MORN5: variants seen among roughly 807,000 people sequenced by gnomAD.
MORN5 encodes MORN repeat-containing protein 5.
A neutral mutation model predicts 22.1 loss-of-function variants in MORN5; 21 were observed. The ratio of observed to expected loss-of-function variants is 0.95; its 90% confidence interval spans 0.67 to 1.37. The LOEUF is 1.37. MORN5 is among the 40% of genes most tolerant of loss of function. The pLI, the probability that MORN5 is intolerant of heterozygous loss-of-function variation, is 0.00. For missense variants in MORN5, 211 were observed against 215.1 expected (o/e 0.98, Z 0.12); for synonymous variants, 73 against 74.0 (o/e 0.99, Z 0.07).
chr9:122,190,357 C>T (rs915662061), intron 4 of MORN5, among the ~76,000 whole-genome samples: 9 of 150,792 alleles, frequency 6.0e-5, no homozygotes, highest in South Asian at 2.1e-4. Context: ...TGCTTTACTA[C>T]GAGTCTTTAA....
rs1272985490 is a variant in MORN5 at position 122,166,916 on chromosome 9, G to T, written c.195+1G>T. On this transcript the variant is annotated splice_donor_variant, in intron 2 of 4. Transcript: ENST00000373764. LOFTEE classifies it high-confidence loss of function. ...TTGGGAAAACGGATTGGCCATAAAG[G>T]TGATCAGCTGGGGGGACGGATGCTG... The T allele has an allele frequency of 6.2e-7, 1 of 1,613,028 alleles. No individual in the cohort carries two copies. The highest frequency in any genetic ancestry group is 2.2e-5 in the East Asian group (1 of 44,844).
intron 1 of MORN5, among the ~76,000 whole-genome samples, chr9:122,161,232 C>T (rs1829193692): frequency 6.6e-6 from 1 of 152,164 alleles, no homozygotes; most frequent in Non-Finnish European, 1.5e-5. Flanking sequence ...AATTCCAGGG[C>T]ATTCTGAGTT....
chr9:122,180,002 G>T (rs1012532593), intron 4 of MORN5, among the ~76,000 whole-genome samples: 29 of 152,316 alleles, frequency 1.9e-4, no homozygotes, highest in African/African-American at 6.7e-4. Flanking sequence ...GTCAGAGCTG[G>T]GAATGCTTAT....
intron 4 of MORN5, among the ~76,000 whole-genome samples, chr9:122,195,292 A>G (rs1364245091): frequency 6.6e-6 from 1 of 152,214 alleles, no homozygotes; most frequent in Non-Finnish European, 1.5e-5. Flanking sequence ...TTTCCCTGTT[A>G]TGACTGTCTT....
At chr9:122,195,708 C>T (rs1165802481) in intron 4 of MORN5, among the ~76,000 whole-genome samples, 1 of 152,132 alleles carries the variant, frequency 6.6e-6, no homozygotes, top group Non-Finnish European at 1.5e-5. Context: ...TGAGGTTTCT[C>T]CATTATAAAG....
intron 1 of MORN5, among the ~76,000 whole-genome samples, chr9:122,165,395 CAAAAAAAAAA>C (rs59306308): frequency 1.3e-4 from 11 of 82,948 alleles, no homozygotes; most frequent in African/African-American, 6.3e-4. Flanking sequence ...CCCGTCTCTA[CAAAAAAAAAA>C]AAAAAAAAAA....
chr9:122,193,764 G>T (rs1200149075), intron 4 of MORN5, among the ~76,000 whole-genome samples: 2 of 152,236 alleles, frequency 1.3e-5, no homozygotes, highest in Admixed American at 6.5e-5. Flanking sequence ...AGGAGGAAGG[G>T]TGGTCCCTTG....
rs151206237 is a variant in MORN5 at position 122,159,977 on chromosome 9, A to G, written c.5A>G (p.Glu2Gly). The change falls in exon 1 of 5, where the codon GAG (glutamate) becomes GGG (glycine). Residue 2 changes from glutamate (E) to glycine (G), a missense_variant. Physicochemically the swap from Glu to Gly is moderately conservative, Grantham distance 98 (BLOSUM62 -2). Coordinates refer to ENST00000373764, the MANE Select transcript of MORN5 (RefSeq NM_198469.4). ...TGGAAGCTAAAAACAGGCGCCATGG[A>G]GTACACAGGGAGCAAATATATCGGG... M[E>G]YTGSKYIGEY... 39 of 1,613,998 alleles carry G rather than the reference A, an allele frequency of 2.4e-5. No homozygotes were observed. Among genetic ancestry groups the G allele is most frequent in the Non-Finnish European group, 3.3e-5 (39 of 1,179,998 alleles).
intron 3 of MORN5, among the ~76,000 whole-genome samples, chr9:122,170,837 G>A (rs1013777975): frequency 6.6e-6 from 1 of 152,172 alleles, no homozygotes; most frequent in African/African-American, 2.4e-5. Flanking sequence ...CTCAAGACGA[G>A]GGGAGGAGAG....
intron 4 of MORN5, among the ~76,000 whole-genome samples, chr9:122,187,358 A>G (rs879257912): frequency 2.0e-5 from 3 of 152,152 alleles, no homozygotes; most frequent in Admixed American, 6.5e-5. Flanking sequence ...CTCTCTACCC[A>G]GCCCCTGGCA....
chr9:122,195,734 C>G (rs1829873180), intron 4 of MORN5, among the ~76,000 whole-genome samples: 1 of 152,162 alleles, frequency 6.6e-6, no homozygotes, highest in Admixed American at 6.5e-5. Flanking sequence ...TTCCCCTGCT[C>G]CCTTTCCATA....
At chr9:122,175,930 C>G (rs1214903948) in intron 4 of MORN5, among the ~76,000 whole-genome samples, 2 of 151,664 alleles carry the variant, frequency 1.3e-5, no homozygotes, top group Non-Finnish European at 2.9e-5. Flanking sequence ...CTGGTTAACA[C>G]GGTGAAACCC....
chr9:122,166,069 C>G (rs1296187292), intron 1 of MORN5, among the ~76,000 whole-genome samples: 1 of 152,058 alleles, frequency 6.6e-6, no homozygotes, highest in Non-Finnish European at 1.5e-5. Context: ...TGGCAGCAGG[C>G]AAGAGAGCAT....
intron 1 of MORN5, among the ~76,000 whole-genome samples, chr9:122,162,733 A>G (rs948643237): frequency 7.9e-5 from 12 of 152,314 alleles, no homozygotes; most frequent in African/African-American, 2.9e-4. Flanking sequence ...AAGAGTAGAT[A>G]CTGTATGATT....
chr9:122,169,341 A>G (rs1829333090), intron 2 of MORN5, among the ~76,000 whole-genome samples: 1 of 152,174 alleles, frequency 6.6e-6, no homozygotes, highest in Non-Finnish European at 1.5e-5. Flanking sequence ...TTGAATTTTC[A>G]ATCAACCCTA....
At chr9:122,173,106 C>A (rs1455968641) in intron 3 of MORN5, among the ~76,000 whole-genome samples, 1 of 152,198 alleles carries the variant, frequency 6.6e-6, no homozygotes, top group Non-Finnish European at 1.5e-5. Context: ...AAAGCTAAGC[C>A]TCTGCCAGTC....
intron 4 of MORN5, 190 bp downstream of exon 4, chr9:122,174,817 T>G (rs1588305173): frequency 7.0e-7 from 1 of 1,437,618 alleles, no homozygotes; most frequent in Non-Finnish European, 9.1e-7. Context: ...AGTCCTAGAG[T>G]GAGGTAAAAG....
chr9:122,159,952 T>C lies in MORN5; in HGVS notation c.-21T>C. 2 of 1,613,650 alleles carry C rather than the reference T, an allele frequency of 1.2e-6. No homozygotes were observed. The highest frequency in any genetic ancestry group is 1.7e-6 in the Non-Finnish European group (2 of 1,179,618). ...CACTGAGACTCCGGATCCTAACAGC[T>C]GGAAGCTAAAAACAGGCGCCATGGA... On this transcript the variant is annotated 5_prime_UTR_variant, in exon 1 of 5. Coordinates refer to ENST00000373764, the MANE Select transcript of MORN5 (RefSeq NM_198469.4).
chr9:122,199,699 T>G (rs116178576), intron 4 of MORN5, among the ~76,000 whole-genome samples, 186 bp from the exon 5 acceptor site: 111 of 152,214 alleles, frequency 7.3e-4, no homozygotes, highest in African/African-American at 2.5e-3. Flanking sequence ...TGTGTTCAAT[T>G]TCCCCAAGAC....
Sources: allele counts gnomAD v4.1 joint callset (sites outside exome capture counted in the v4.1 genomes callset), GRCh38; gene constraint gnomAD v4.1.1; transcripts MANE v1.5; gene names NCBI Gene and HGNC (gene_info 2026-07-23, HGNC 2026-07-21).